MAP2K3: variants seen among roughly 807,000 people sequenced by gnomAD.
MAP2K3 encodes dual specificity mitogen-activated protein kinase kinase 3.
Under a neutral mutation model 46.4 loss-of-function variants are expected in MAP2K3, and 30 were observed. That is an observed-to-expected ratio of 0.65 (90% CI 0.48 to 0.88). The LOEUF is 0.88. MAP2K3 is among the 40% of genes least tolerant of loss of function. MAP2K3 has a pLI of 0.00. For synonymous variants in MAP2K3, 189 were observed against 176.3 expected (o/e 1.07, Z -0.57); for missense variants, 380 against 464.5 (o/e 0.82, Z 1.67).
At position 21,302,013 on chromosome 17, in the gene MAP2K3, A is replaced by G. The variant is rs1006733920; in HGVS notation, c.400-130A>G. 35 of 882,648 alleles carry G rather than the reference A, an allele frequency of 4.0e-5. No individual in the cohort carries two copies. The African/African-American group carries it at 5.6e-4, about 14-fold the overall frequency. The allele number at this position is 882,648 out of a possible 1,614,324, so 54.7% of individuals were successfully genotyped here. On this transcript the variant is annotated intron_variant, in intron 5 of 11. Transcript: ENST00000342679. ...TGGGTGGTGGGTGGGAGCCCGGTGA[A>G]CTGTGGCTGAGTGGGTGGGCACACG...
chr17:21,287,082 T>G (rs1387249839), intron 1 of MAP2K3, among the ~76,000 whole-genome samples: 1 of 152,270 alleles, frequency 6.6e-6, no homozygotes, highest in Admixed American at 6.5e-5. Flanking sequence ...CCCCTAGGAC[T>G]GTGTTTCCAC....
rs936950655 is a variant in MAP2K3, at chr17:21,301,303, C to T, written c.399+310C>T. On this transcript the variant is annotated intron_variant, in intron 5 of 11. Transcript: ENST00000342679. ...ATTCGCATCCCCATGGCATACAGGG[C>T]GTGGGAATGGCATATGGGGCGTGGG... 3.2e-4 allele frequency among the ~76,000 whole-genome samples: 49 copies of T among 152,388 alleles called. No individual in the cohort carries two copies. In the East Asian group the frequency reaches 5.8e-3, roughly 18 times the overall value.
Position 21,291,101 on chromosome 17 carries a change from G to A in MAP2K3, c.49+6132G>A, listed in dbSNP as rs968135258. Reference sequence around the variant, plus strand: ...ACTAAAAACACACAAAAAATTAACCGGGCGTGGTGGCAGGTGTCTGTAGTC... The same window carrying A: ...ACTAAAAACACACAAAAAATTAACCAGGCGTGGTGGCAGGTGTCTGTAGTC... On this transcript the variant is annotated intron_variant, in intron 1 of 11. Coordinates refer to ENST00000342679, the MANE Select transcript of MAP2K3 (RefSeq NM_145109.3). Among the ~76,000 whole-genome samples, 27 of 152,394 alleles carry A rather than the reference G, an allele frequency of 1.8e-4. No individual in the cohort carries two copies. The South Asian group carries it at 3.3e-3, about 19-fold the overall frequency.
At chr17:21,301,787 G>A (rs888548661) in intron 5 of MAP2K3, among the ~76,000 whole-genome samples, 1 of 152,430 alleles carries the variant, frequency 6.6e-6, no homozygotes, top group African/African-American at 2.4e-5. Flanking sequence ...CTGGCATGAG[G>A]GTGTCTGTCG....
intron 5 of MAP2K3, 112 bp downstream of exon 5, chr17:21,301,105 A>T: frequency 6.4e-7 from 1 of 1,561,014 alleles, no homozygotes; most frequent in Non-Finnish European, 8.7e-7. Context: ...CACCTGGCAT[A>T]CTGGCAGGAG....
intron 1 of MAP2K3, among the ~76,000 whole-genome samples, chr17:21,293,170 A>G (rs1976038612): frequency 6.6e-6 from 1 of 152,308 alleles, no homozygotes; most frequent in East Asian, 1.9e-4. Context: ...TTTGATGGCC[A>G]TGGGGCATGG....
intron 1 of MAP2K3, among the ~76,000 whole-genome samples, chr17:21,289,100 C>T (rs1975807065): frequency 6.6e-6 from 1 of 152,202 alleles, no homozygotes; most frequent in South Asian, 2.1e-4. Context: ...ACAATGTGCT[C>T]GTAGGCGCTG....
chr17:21,291,710 T>G (rs113493220), intron 1 of MAP2K3: 564 of 402,324 alleles, frequency 1.4e-3, no homozygotes, highest in African/African-American at 0.011. Flanking sequence ...GGGGATTTTG[T>G]GTGCATGGAC....
At chr17:21,305,382 T>G (rs1241090722) in intron 9 of MAP2K3, among the ~76,000 whole-genome samples, 3 of 152,278 alleles carry the variant, frequency 2.0e-5, no homozygotes, top group Non-Finnish European at 2.9e-5. Context: ...TCTGGAGTTC[T>G]TGGTGCTTGT....
intron 3 of MAP2K3, among the ~76,000 whole-genome samples, chr17:21,300,060 T>C (rs1193323317): frequency 2.6e-5 from 4 of 152,310 alleles, no homozygotes; most frequent in Non-Finnish European, 5.9e-5. Flanking sequence ...ACACTCACCA[T>C]CTGCTGTCCT....
At chr17:21,295,639 G>A (rs1413212188) in intron 1 of MAP2K3, 3 of 1,289,310 alleles carry the variant, frequency 2.3e-6, no homozygotes, top group African/African-American at 1.5e-5. Context: ...CATGGAGCCT[G>A]TGGCCCTCCT....
intron 9 of MAP2K3, among the ~76,000 whole-genome samples, chr17:21,308,622 A>G (rs1310919883): frequency 1.3e-5 from 2 of 151,634 alleles, no homozygotes. Context: ...TTTTTTTTTG[A>G]GGTGGAGAGG....
chr17:21,286,068 G>A (rs1027106736), intron 1 of MAP2K3, among the ~76,000 whole-genome samples: 7 of 152,188 alleles, frequency 4.6e-5, no homozygotes, highest in Non-Finnish European at 8.8e-5. Flanking sequence ...GTGTCTCTGG[G>A]CCTCAGTTTC....
At chr17:21,313,418 G>T in intron 10 of MAP2K3, 74 bp from the exon 11 acceptor site, 1 of 1,273,306 alleles carries the variant, frequency 7.9e-7, no homozygotes, top group Non-Finnish European at 1.1e-6. Flanking sequence ...GCAATCCTGG[G>T]GTGGTTTGGC....
In MAP2K3 at chr17:21,315,151, G is replaced by C. The variant is rs72838584; in HGVS notation, c.*921G>C. 6.6e-6 allele frequency: 1 copy of C among 150,890 alleles called. No homozygotes were observed. Among genetic ancestry groups the C allele is most frequent in the African/African-American group, 2.4e-5 (1 of 40,934 alleles). The allele number at this position is 150,890 out of a possible 1,614,324, so 9.3% of individuals were successfully genotyped here. ...AGAAAATATATTTTTTTGAAAAAAC[G>C]ACTGCCCATCCCGGGTCCTTTCCCT... On this transcript the variant is annotated 3_prime_UTR_variant, in exon 12 of 12. Transcript: ENST00000342679.
rs1976792771 is a variant in MAP2K3 at position 21,304,631 on chromosome 17, A to G, written c.696+78A>G. ...TCTGCCCAGGCTGGCCACCCCGGCC[A>G]TACCCTCTGTCCGTAGGGGCAGAGC... On this transcript the variant is annotated intron_variant, in intron 8 of 11. Transcript: ENST00000342679. 16 of 1,597,102 alleles carry G rather than the reference A, an allele frequency of 1.0e-5. No homozygotes were observed. In the South Asian group the frequency reaches 1.7e-4, roughly 17 times the overall value.
intron 1 of MAP2K3, among the ~76,000 whole-genome samples, chr17:21,297,925 C>T (rs1284582046): frequency 5.3e-5 from 8 of 152,300 alleles, no homozygotes; most frequent in South Asian, 2.1e-4. Context: ...CCCGCCTGCT[C>T]CACCGCCTGT....
rs1054298733 is a variant in MAP2K3, at chr17:21,302,397, C to T, written c.516+138C>T. ...CAATGTGCCCCCTGAACCTGGGCAG[C>T]TGCCCTGCATAGGCCCTTCTCCTCC... On this transcript the variant is annotated intron_variant, in intron 6 of 11. Coordinates refer to ENST00000342679, the MANE Select transcript of MAP2K3 (RefSeq NM_145109.3). 27 of 939,868 alleles carry T rather than the reference C, an allele frequency of 2.9e-5. No homozygotes were observed. The Admixed American group carries it at 3.2e-4, about 11-fold the overall frequency. 58.2% of individuals were successfully genotyped at this position (939,868 alleles called of 1,614,324 possible). A position where few individuals can be genotyped will look rare whatever the true frequency, so the allele number is the denominator to read the frequency against.
chr17:21,285,392 TC>T, intron 1 of MAP2K3: 1 of 581,750 alleles, frequency 1.7e-6, no homozygotes, highest in Non-Finnish European at 2.2e-6. Flanking sequence ...TAGCTTCGGG[TC>T]CCAGGGCTGT....
Sources: allele counts gnomAD v4.1 joint callset (sites outside exome capture counted in the v4.1 genomes callset), GRCh38; gene constraint gnomAD v4.1.1; transcripts MANE v1.5; gene names NCBI Gene and HGNC (gene_info 2026-07-23, HGNC 2026-07-21).